SERPINB8: variants seen among roughly 807,000 people sequenced by gnomAD.
SERPINB8 encodes serpin family B member 8.
A neutral mutation model predicts 35.3 loss-of-function variants in SERPINB8; 25 were observed. The observed-to-expected ratio is 0.71, with a 90% confidence interval of 0.52 to 0.99. The LOEUF (loss-of-function observed/expected upper bound fraction) is 0.99. Ranked by LOEUF, SERPINB8 falls within the 50% of genes least tolerant of loss-of-function variation. SERPINB8 has a pLI of 0.00. For synonymous variants in SERPINB8, 186 were observed against 160.8 expected (o/e 1.16, Z -1.19); for missense variants, 484 against 446.5 (o/e 1.08, Z -0.76).
chr18:63,970,150 C>CGGCGGT lies in SERPINB8; in HGVS notation c.-31_-30insGGCGGT. On this transcript the variant is annotated 5_prime_UTR_variant, in exon 1 of 7. Transcript: ENST00000397985. ...GCAGCAGCGGCGGCGGCGGCGGCGGCAGCAGCAGCAGCAGCAGGAGGTGGG... is the reference window on the plus strand; with the variant it reads ...GCAGCAGCGGCGGCGGCGGCGGCGGCGGCGGTAGCAGCAGCAGCAGCAGGAGGTGGG... 1 of 334,258 alleles carries CGGCGGT rather than the reference C, an allele frequency of 3.0e-6. No individual in the cohort carries two copies. Among genetic ancestry groups the CGGCGGT allele is most frequent in the South Asian group, 2.5e-5 (1 of 40,574 alleles). The allele number at this position is 334,258 out of a possible 1,614,324, so 20.7% of individuals were successfully genotyped here. A position where few individuals can be genotyped will look rare whatever the true frequency, so the allele number is the denominator to read the frequency against.
chr18:63,972,420 C>G (rs1391860105), intron 1 of SERPINB8, among the ~76,000 whole-genome samples: 1 of 152,142 alleles, frequency 6.6e-6, no homozygotes, highest in Non-Finnish European at 1.5e-5. Context: ...TTTTATTGTT[C>G]TGTATTCCAT....
chr18:63,994,722 G>A (rs1049269048), intron 1 of SERPINB8, among the ~76,000 whole-genome samples: 6 of 152,084 alleles, frequency 3.9e-5, no homozygotes, highest in Admixed American at 6.5e-5. Flanking sequence ...TAGTAGCCCC[G>A]CAAGTCACCC....
downstream of SERPINB8, among the ~76,000 whole-genome samples, chr18:64,007,771 A>C (rs1047875424): frequency 6.6e-6 from 1 of 152,154 alleles, no homozygotes; most frequent in South Asian, 2.1e-4. Context: ...TGAGAACAGC[A>C]CCAAGAAGGA....
chr18:63,984,901 AAT>A (rs2050727207), intron 5 of SERPINB8, among the ~76,000 whole-genome samples, 190 bp from the exon 6 acceptor site: 1 of 151,266 alleles, frequency 6.6e-6, no homozygotes, highest in Non-Finnish European at 1.5e-5. Context: ...CTCACCTGGT[AAT>A]ATTTGATCTG....
At chr18:63,980,234 C>G (rs2144804283) in intron 3 of SERPINB8, among the ~76,000 whole-genome samples, 1 of 152,256 alleles carries the variant, frequency 6.6e-6, no homozygotes, top group South Asian at 2.1e-4. Context: ...CAGAGCTCCT[C>G]CCCAGTCCCA....
At chr18:64,001,922 G>A (rs1047381078) in intron 1 of SERPINB8, among the ~76,000 whole-genome samples, 2 of 152,166 alleles carry the variant, frequency 1.3e-5, no homozygotes, top group African/African-American at 4.8e-5. Flanking sequence ...TTCTACTTCA[G>A]TAAGTCATTT....
At chr18:64,012,749 TG>T (rs1293413070) in intron 7 of SERPINB8, among the ~76,000 whole-genome samples, 1 of 152,170 alleles carries the variant, frequency 6.6e-6, no homozygotes, top group Non-Finnish European at 1.5e-5. Flanking sequence ...TTGTAAATTT[TG>T]ATTGTCCATT....
chr18:64,005,068 G>A lies in SERPINB8; in HGVS notation c.*190G>A, dbSNP rs115697331. 6.8e-3 allele frequency: 2,635 copies of A among 388,222 alleles called. 72 individuals are homozygous for A. The highest frequency in any genetic ancestry group is 0.05 in the African/African-American group (2,410 of 48,486). The allele number at this position is 388,222 out of a possible 1,614,324, so 24.0% of individuals were successfully genotyped here. ...ACAAAACACCTGAATAAATACAAAA[G>A]AAGACATTCAAATGTCCAAGAAGGA... is the stretch of plus-strand genomic sequence containing the variant. On this transcript the variant is annotated 3_prime_UTR_variant, in exon 2 of 2. Coordinates refer to the SERPINB8 transcript ENST00000493661.
chr18:63,970,161 G>A lies in SERPINB8; in HGVS notation c.-20G>A. On this transcript the variant is annotated 5_prime_UTR_variant, in exon 1 of 7. Coordinates refer to ENST00000397985, the MANE Select transcript of SERPINB8 (RefSeq NM_002640.4). ...GGCGGCGGCGGCGGCAGCAGCAGCA[G>A]CAGCAGGAGGTGGGGGCCTCTGCCA... The A allele has an allele frequency of 2.7e-6, 1 of 365,946 alleles. No individual in the cohort carries two copies. The highest frequency in any genetic ancestry group is 2.1e-5 in the South Asian group (1 of 48,384). 22.7% of individuals were successfully genotyped at this position (365,946 alleles called of 1,614,324 possible).
intron 7 of SERPINB8, among the ~76,000 whole-genome samples, chr18:64,012,098 G>T (rs573326049): frequency 1.3e-5 from 2 of 152,158 alleles, no homozygotes; most frequent in Non-Finnish European, 2.9e-5. Flanking sequence ...GACTGAATAT[G>T]TTTTGAAATT....
chr18:63,985,365 G>A lies in SERPINB8; in HGVS notation c.720+120G>A, dbSNP rs561824212. The A allele has an allele frequency of 6.5e-5, 68 of 1,042,596 alleles. 1 individual carries two copies. In the South Asian group the frequency reaches 1.1e-3, roughly 16 times the overall value. The allele number at this position is 1,042,596 out of a possible 1,614,324, so 64.6% of individuals were successfully genotyped here. ...TTGGGGTTATTACAGGCAGTGCTGG[G>A]TGAACATCATTGTGTGTCTTTTGAT... On this transcript the variant is annotated intron_variant, in intron 6 of 6. Transcript: ENST00000397985.
intron 1 of SERPINB8, among the ~76,000 whole-genome samples, chr18:63,998,555 C>A (rs370883699): frequency 6.6e-6 from 1 of 152,160 alleles, no homozygotes; most frequent in Non-Finnish European, 1.5e-5. Flanking sequence ...GGTCTCACTG[C>A]GGCAATTCTC....
At chr18:64,000,708 T>G (rs779983284) in intron 1 of SERPINB8, among the ~76,000 whole-genome samples, 2 of 152,168 alleles carry the variant, frequency 1.3e-5, no homozygotes, top group African/African-American at 2.4e-5. Flanking sequence ...TTTTCTCCAC[T>G]CTGACTCAAT....
At chr18:63,976,869 G>A (rs2144794706) in intron 1 of SERPINB8, among the ~76,000 whole-genome samples, 1 of 151,996 alleles carries the variant, frequency 6.6e-6, no homozygotes. Context: ...CAACTCTTGG[G>A]GAAAATGGGG....
chr18:64,002,262 T>C (rs2050879171), intron 1 of SERPINB8, among the ~76,000 whole-genome samples: 1 of 152,146 alleles, frequency 6.6e-6, no homozygotes, highest in East Asian at 1.9e-4. Context: ...TGTCAGGAGT[T>C]AGGACGCCTG....
intron 6 of SERPINB8, chr18:63,986,233 T>G: frequency 6.2e-7 from 1 of 1,609,578 alleles, no homozygotes; most frequent in Non-Finnish European, 8.5e-7. Context: ...TCTCCCTTTT[T>G]TCTTTCTACC....
chr18:64,003,674 G>A (rs542265097), intron 1 of SERPINB8, among the ~76,000 whole-genome samples: 3 of 152,250 alleles, frequency 2.0e-5, no homozygotes, highest in Non-Finnish European at 4.4e-5. Context: ...TGAATGTGAA[G>A]GCCTGAGAAC....
intron 4 of SERPINB8, among the ~76,000 whole-genome samples, chr18:63,983,287 C>G: frequency 6.6e-6 from 1 of 152,208 alleles, no homozygotes; most frequent in Non-Finnish European, 1.5e-5. Context: ...CACTTGTCAC[C>G]TGTGTGCACT....
intron 1 of SERPINB8, among the ~76,000 whole-genome samples, chr18:63,995,556 A>G (rs555873421): frequency 3.5e-4 from 53 of 152,072 alleles, no homozygotes; most frequent in Non-Finnish European, 6.9e-4. Context: ...GTATAGATGT[A>G]TTGTCTATAT....
Sources: allele counts gnomAD v4.1 joint callset (sites outside exome capture counted in the v4.1 genomes callset), GRCh38; gene constraint gnomAD v4.1.1; transcripts MANE v1.5; gene names NCBI Gene and HGNC (gene_info 2026-07-23, HGNC 2026-07-21).